NFIC: variants seen among roughly 807,000 people sequenced by gnomAD.
The protein encoded by NFIC is nuclear factor 1 C-type.
NFIC carries 12 observed loss-of-function variants against 54.4 expected under a neutral mutation model. The observed-to-expected ratio is 0.22, with a 90% CI of 0.14 to 0.36. The LOEUF (loss-of-function observed/expected upper bound fraction) is 0.36. Among genes scored for constraint, NFIC ranks in the 10% least tolerant of loss-of-function variants. The probability of loss-of-function intolerance (pLI) is 1.00; values close to 1 mark genes in which losing one functional copy is unlikely to be tolerated. For synonymous variants in NFIC, 322 were observed against 319.2 expected (o/e 1.01, Z -0.09); for missense variants, 575 against 718.2 (o/e 0.80, Z 2.28).
rs927283886 is a variant in NFIC, at chr19:3,468,441, A to T, written c.*5672A>T. On this transcript the variant is annotated 3_prime_UTR_variant, in exon 11 of 11. Transcript: ENST00000443272. The stretch of plus-strand genomic sequence containing the variant: ...TTGGGTCCCAGCCAGGCCCCCCCAA[A>T]ACCAAAGCCCCCTCAAGTCCTGGGG... The T allele has an allele frequency of 6.6e-6, 1 of 151,388 alleles. No homozygotes were observed. The highest frequency in any genetic ancestry group is 2.4e-5 in the African/African-American group (1 of 41,176). 9.4% of individuals were successfully genotyped at this position (151,388 alleles called of 1,614,324 possible). A position where few individuals can be genotyped will look rare whatever the true frequency, so the allele number is the denominator to read the frequency against.
intron 2 of NFIC, among the ~76,000 whole-genome samples, chr19:3,396,970 CAAAA>C (rs988181829): frequency 8.6e-5 from 13 of 151,876 alleles, no homozygotes; most frequent in African/African-American, 2.9e-4. Flanking sequence ...AACAAACAAA[CAAAA>C]AAGCAGTGGC....
chr19:3,428,620 G>A (rs759482038), intron 3 of NFIC, among the ~76,000 whole-genome samples: 3 of 152,164 alleles, frequency 2.0e-5, no homozygotes, highest in African/African-American at 4.8e-5. Context: ...TCTGTGACCC[G>A]GGTCCTCCGC....
chr19:3,362,620 C>A (rs1308049276), upstream of NFIC, among the ~76,000 whole-genome samples: 1 of 151,788 alleles, frequency 6.6e-6, no homozygotes, highest in Non-Finnish European at 1.5e-5. Flanking sequence ...CTCTGTAGGT[C>A]GTAGTGTGTG....
intron 6 of NFIC, among the ~76,000 whole-genome samples, chr19:3,442,746 C>A (rs971755379): frequency 5.3e-5 from 8 of 151,950 alleles, no homozygotes; most frequent in Non-Finnish European, 1.2e-4. Context: ...TGGGGAGGGA[C>A]AGAGTTGGGT....
chr19:3,411,899 C>T (rs930761882), intron 2 of NFIC, among the ~76,000 whole-genome samples: 4 of 152,126 alleles, frequency 2.6e-5, no homozygotes, highest in African/African-American at 9.7e-5. Context: ...TTGTCCGCGC[C>T]GTCAGTGCCA....
intron 10 of NFIC, among the ~76,000 whole-genome samples, chr19:3,461,159 C>T (rs567750267): frequency 3.3e-5 from 5 of 150,342 alleles, no homozygotes; most frequent in African/African-American, 1.2e-4. Flanking sequence ...ATAAAGTGAA[C>T]AAGGCAGCTG....
At chr19:3,449,184 T>G (rs34947929) in intron 7 of NFIC, 45 bp downstream of exon 7, 86,995 of 1,588,256 alleles carry the variant, frequency 0.055, 10,000 homozygotes, top group African/African-American at 0.49. Context: ...CGGGCCCTCC[T>G]ATCAGGCCTC....
At position 3,425,111 on chromosome 19, in the gene NFIC, G is replaced by A; in HGVS notation, c.568G>A (p.Glu190Lys). The A allele has an allele frequency of 6.2e-7, 1 of 1,613,454 alleles. No individual in the cohort carries two copies. The highest frequency in any genetic ancestry group is 8.5e-7 in the Non-Finnish European group (1 of 1,179,964). ...TTTCTTCCCTCTCTTTGCAGATGCAGAGCAAAGCGGCAGTCCCCGGACAGG... is the reference window on the plus strand; with the variant it reads ...TTTCTTCCCTCTCTTTGCAGATGCAAAGCAAAGCGGCAGTCCCCGGACAGG... ...LAYFVRERDA[E>K]QSGSPRTGMG... Residue 190 changes from glutamate to lysine, a missense_variant, in exon 3 of 11, where the codon GAG becomes AAG. Glu to Lys is a moderately conservative substitution (Grantham distance 56, BLOSUM62 1). Around this residue, in one of 3 missense-constraint regions of NFIC, gnomAD observed 447 missense variants for 526.9 expected, o/e 0.85. Transcript: ENST00000443272.
intron 10 of NFIC, among the ~76,000 whole-genome samples, chr19:3,462,311 GGCAGA>G (rs2121964017): frequency 6.6e-6 from 1 of 152,118 alleles, no homozygotes; most frequent in South Asian, 2.1e-4. Context: ...GAACCCAGGA[GGCAGA>G]GGTTGTAGTG....
intron 2 of NFIC, among the ~76,000 whole-genome samples, chr19:3,423,624 G>A (rs1245239786): frequency 2.6e-5 from 4 of 152,150 alleles, no homozygotes; most frequent in Admixed American, 1.3e-4. Flanking sequence ...GATGTGACTC[G>A]TCCTGCATCC....
chr19:3,387,805 G>C (rs1255519981), intron 2 of NFIC, among the ~76,000 whole-genome samples: 4 of 152,114 alleles, frequency 2.6e-5, no homozygotes, highest in Non-Finnish European at 5.9e-5. Flanking sequence ...GACCAGCCGG[G>C]GGTGGGGCGG....
Position 3,453,491 on chromosome 19 carries a change from G to A in NFIC, c.1270-272G>A, listed in dbSNP as rs915007369. On this transcript the variant is annotated intron_variant, in intron 8 of 10. Coordinates refer to ENST00000443272, the MANE Select transcript of NFIC (RefSeq NM_001245002.2). The surrounding 1 kb of genome is among the most constrained non-coding windows in gnomAD (Gnocchi z 6.7). ...GGCACTGTTTGGAAGGAAATCAGTC[G>A]AGTTGGCGTGCAGGGGGTTTACAGA... Among the ~76,000 whole-genome samples, 7 of 152,300 alleles carry A rather than the reference G, an allele frequency of 4.6e-5. No individual in the cohort carries two copies. The South Asian group carries it at 1.5e-3, about 32-fold the overall frequency.
intron 3 of NFIC, among the ~76,000 whole-genome samples, chr19:3,428,198 AAAAG>A (rs1352463254): frequency 1.3e-5 from 2 of 149,928 alleles, no homozygotes; most frequent in East Asian, 2.0e-4. Context: ...AAAGAAAAGA[AAAAG>A]AAGGAAGGGG....
At chr19:3,411,002 C>G (rs147681859) in intron 2 of NFIC, 1 of 82,244 alleles carries the variant, frequency 1.2e-5, no homozygotes, top group African/African-American at 4.6e-5. Context: ...TCTTTAAAAA[C>G]CCCAGTGCTG....
chr19:3,371,277 C>A (rs1350152349), intron 1 of NFIC: 2 of 151,912 alleles, frequency 1.3e-5, no homozygotes, highest in African/African-American at 2.4e-5. Context: ...TCAGCAGAAA[C>A]CCCCACTTCC....
intron 1 of NFIC, among the ~76,000 whole-genome samples, chr19:3,378,586 G>A (rs946565241): frequency 2.6e-4 from 39 of 152,176 alleles, no homozygotes; most frequent in African/African-American, 8.4e-4. Flanking sequence ...CCCCATGGCC[G>A]GGTTCCCCCT....
At chr19:3,440,741 G>A (rs1390747362) in intron 6 of NFIC, among the ~76,000 whole-genome samples, 5 of 152,008 alleles carry the variant, frequency 3.3e-5, no homozygotes, top group African/African-American at 1.2e-4. Context: ...GGCTGCTCTC[G>A]AACTCCTGAC....
At chr19:3,363,563 C>T (rs985975520), upstream of NFIC, among the ~76,000 whole-genome samples, 1 of 150,352 alleles carries the variant, frequency 6.7e-6, no homozygotes, top group African/African-American at 2.5e-5. Flanking sequence ...TGAGCCACTA[C>T]AACCGGCCAA....
At chr19:3,393,759 G>A (rs2081412351) in intron 2 of NFIC, among the ~76,000 whole-genome samples, 1 of 143,010 alleles carries the variant, frequency 7.0e-6, no homozygotes, top group Non-Finnish European at 1.5e-5. Context: ...AGAGGCTACA[G>A]TGAGCTGGGA....
Sources: gnomAD v4.1 joint callset for allele counts (sites outside exome capture counted in the v4.1 genomes callset) on GRCh38, gnomAD v4.1.1 for gene constraint, gnomAD v4.1.1 regional missense constraint, Gnocchi (gnomAD v3.1) non-coding constraint, MANE v1.5 for transcripts, NCBI Gene and HGNC (gene_info 2026-07-23, HGNC 2026-07-21) for gene names.